Variants in CELA3B observed in about 807,000 individuals in gnomAD.
CELA3B encodes chymotrypsin like elastase 3B.
CELA3B carries 34 observed loss-of-function variants against 37.2 expected under a neutral mutation model. The ratio of observed to expected loss-of-function variants is 0.91; its 90% CI spans 0.70 to 1.22. CELA3B has a LOEUF of 1.22. Among genes scored for constraint, CELA3B ranks in the 50% most tolerant of loss-of-function variants. The pLI, the probability that CELA3B is intolerant of heterozygous loss-of-function variation, is 0.00. For synonymous variants in CELA3B, 127 were observed against 143.5 expected (o/e 0.89, Z 0.82); for missense variants, 340 against 363.1 (o/e 0.94, Z 0.52).
In CELA3B at chr1:21,984,314, A is replaced by G. The variant is rs114365157; in HGVS notation, c.625A>G (p.Ile209Val). ...GACCATGGTGTGTGCTGGAGGGGAC[A>G]TCCGCTCCGGCTGCAATGTGAGTCA... ...KKTMVCAGGD[I>V]RSGCNGDSGG... The change falls in exon 6 of 8, where the codon ATC (isoleucine) becomes GTC (valine). Residue 209 changes from isoleucine (I) to valine (V), a missense_variant. Coordinates refer to ENST00000337107, the MANE Select transcript of CELA3B (RefSeq NM_007352.4). 0.025 allele frequency: 40,713 copies of G among 1,613,738 alleles called. 675 individuals carry two copies. Among genetic ancestry groups the G allele is most frequent in the Non-Finnish European group, 0.028 (33,560 of 1,179,834 alleles).
chr1:21,996,167 C>A (rs981378118), intron 4 of CELA3B, among the ~76,000 whole-genome samples: 3 of 151,186 alleles, frequency 2.0e-5, no homozygotes, highest in African/African-American at 7.4e-5. Flanking sequence ...GAGCCGAGAT[C>A]GCGCCACTGT....
At chr1:21,979,233 C>T (rs564207666) in intron 2 of CELA3B, among the ~76,000 whole-genome samples, 8 of 151,070 alleles carry the variant, frequency 5.3e-5, no homozygotes, top group East Asian at 4.0e-4. Flanking sequence ...CCACCAAGCC[C>T]GGCTAATTCT....
At position 21,978,385 on chromosome 1, in the gene CELA3B, A is replaced by C. The variant is rs779609878; in HGVS notation, c.60A>C (p.Pro20=). 81 of 1,613,762 alleles carry C rather than the reference A, an allele frequency of 5.0e-5. No individual in the cohort carries two copies. The highest frequency in any genetic ancestry group is 6.8e-5 in the Non-Finnish European group (80 of 1,179,888). The change falls in exon 2 of 8, where the codon CCA becomes CCC. Residue 20 remains proline (P), a synonymous_variant. Transcript: ENST00000337107. ...CCCCTCTAGCCTCAGGCTATGGCCCACCTTCCTCTCGCCCTTCCAGCCGCG... is the reference window on the plus strand; with the variant it reads ...CCCCTCTAGCCTCAGGCTATGGCCCCCCTTCCTCTCGCCCTTCCAGCCGCG... The part of the protein sequence containing the change: ...LLVAVASGYG[P]PSSRPSSRVV...
At chr1:21,980,943 T>C in intron 3 of CELA3B, 22 bp downstream of exon 3, 6 of 1,613,912 alleles carry the variant, frequency 3.7e-6, no homozygotes, top group Non-Finnish European at 5.1e-6. Context: ...ACCCTGTCCC[T>C]GCCTGTGGCC....
At chr1:21,982,880 C>T (rs1299814066) in intron 4 of CELA3B, among the ~76,000 whole-genome samples, 2 of 151,956 alleles carry the variant, frequency 1.3e-5, no homozygotes, top group Admixed American at 6.6e-5. Context: ...GGGGTTTCAC[C>T]GTGTTAGCCA....
intron 7 of CELA3B, among the ~76,000 whole-genome samples, chr1:21,987,320 G>A (rs919890036): frequency 2.6e-5 from 4 of 151,586 alleles, no homozygotes; most frequent in African/African-American, 7.3e-5. Context: ...GGGCATGGTG[G>A]TGGGTGCCTG....
intron 7 of CELA3B, among the ~76,000 whole-genome samples, chr1:21,988,684 G>A (rs545220356): frequency 3.6e-4 from 54 of 150,662 alleles, no homozygotes; most frequent in Non-Finnish European, 3.5e-4. Context: ...AAGGTCAGGA[G>A]ATTGAGACCA....
At chr1:21,983,498 C>T (rs1378048517) in intron 4 of CELA3B, among the ~76,000 whole-genome samples, 196 bp from the exon 5 acceptor site, 16 of 152,154 alleles carry the variant, frequency 1.1e-4, no homozygotes, top group Admixed American at 1.0e-3. Context: ...ATGATTGTGA[C>T]ACTGCACTCC....
Position 21,983,848 on chromosome 1 carries a change from T to C in CELA3B, c.499+18T>C. On this transcript the variant is annotated intron_variant, in intron 5 of 7. Transcript: ENST00000337107. ...TCTCTATAGTACGTGCTGACTTCTC[T>C]AGCTGGCCACAGGGACAGTGGCAGA... is the stretch of plus-strand genomic sequence containing the variant. 1 of 1,613,236 alleles carries C rather than the reference T, an allele frequency of 6.2e-7. No homozygotes were observed. The highest frequency in any genetic ancestry group is 8.5e-7 in the Non-Finnish European group (1 of 1,179,472).
intron 1 of CELA3B, among the ~76,000 whole-genome samples, chr1:21,977,288 C>T (rs1644778304): frequency 6.6e-6 from 1 of 152,030 alleles, no homozygotes; most frequent in South Asian, 2.1e-4. Context: ...GAGAAAGACC[C>T]CAAAGGGCTG....
chr1:21,986,416 C>A, intron 6 of CELA3B, 115 bp from the exon 7 acceptor site: 3 of 1,341,266 alleles, frequency 2.2e-6, no homozygotes, highest in Non-Finnish European at 2.0e-6. Context: ...AATGAGCGAG[C>A]TAAGGCTCAG....
chr1:21,991,760 G>A (rs542352295), downstream of CELA3B, among the ~76,000 whole-genome samples: 3 of 151,512 alleles, frequency 2.0e-5, no homozygotes, highest in South Asian at 6.2e-4. Context: ...CTCCAAAGGA[G>A]GAGGGATTGA....
intron 2 of CELA3B, among the ~76,000 whole-genome samples, chr1:21,979,563 C>T (rs893132148): frequency 6.6e-6 from 1 of 150,728 alleles, no homozygotes; most frequent in African/African-American, 2.4e-5. Context: ...AGCAATCATC[C>T]CACATCAGCC....
At chr1:21,979,663 A>T (rs1644793379) in intron 2 of CELA3B, among the ~76,000 whole-genome samples, 1 of 150,990 alleles carries the variant, frequency 6.6e-6, no homozygotes, top group Non-Finnish European at 1.5e-5. Flanking sequence ...TATGTTGCCC[A>T]GGCTTGCCTC....
chr1:21,980,724 C>T (rs1241389424), intron 2 of CELA3B, 100 bp from the exon 3 acceptor site: 12 of 828,040 alleles, frequency 1.4e-5, no homozygotes, highest in African/African-American at 8.5e-5. Flanking sequence ...GTGTGAATGG[C>T]GCCCTCTAGA....
At chr1:21,980,484 C>CAAA (rs1557864298) in intron 2 of CELA3B, among the ~76,000 whole-genome samples, 1 of 151,456 alleles carries the variant, frequency 6.6e-6, no homozygotes, top group Non-Finnish European at 1.5e-5. Context: ...CCATCTCAAA[C>CAAA]AAAAAAAGTC....
intron 4 of CELA3B, among the ~76,000 whole-genome samples, chr1:21,997,979 A>G (rs1453513310): frequency 6.6e-6 from 1 of 151,346 alleles, no homozygotes; most frequent in Non-Finnish European, 1.5e-5. Flanking sequence ...GTCACCCTTT[A>G]GTCATTTACA....
At chr1:21,984,835 T>A (rs970029729) in intron 6 of CELA3B, among the ~76,000 whole-genome samples, 2 of 151,318 alleles carry the variant, frequency 1.3e-5, no homozygotes, top group African/African-American at 4.9e-5. Context: ...TAATCCCAGT[T>A]ATTTGGGAGG....
chr1:21,996,145 G>C (rs1167910996), intron 4 of CELA3B, among the ~76,000 whole-genome samples: 1 of 151,174 alleles, frequency 6.6e-6, no homozygotes, highest in East Asian at 2.0e-4. Flanking sequence ...CCTGGGAGGT[G>C]GAGGCTGCAG....
Sources: allele counts gnomAD v4.1 joint callset (sites outside exome capture counted in the v4.1 genomes callset), GRCh38; gene constraint gnomAD v4.1.1; transcripts MANE v1.5; gene names NCBI Gene and HGNC (gene_info 2026-07-23, HGNC 2026-07-21).